The following ZFAND3 variants were observed in gnomAD, a reference collection of about 807,000 sequenced individuals.
The protein encoded by ZFAND3 is zinc finger AN1-type containing 3.
ZFAND3 carries 10 observed loss-of-function variants against 29.6 expected under a neutral mutation model. That is an observed-to-expected ratio of 0.34 (90% CI 0.21 to 0.57). The LOEUF (loss-of-function observed/expected upper bound fraction) is 0.57. Ranked by LOEUF, ZFAND3 falls within the 20% of genes least tolerant of loss-of-function variation. The pLI is 0.86. For synonymous variants in ZFAND3, 128 were observed against 112.6 expected, an observed-to-expected ratio of 1.14 and a Z score of -0.87; for missense variants, 230 against 304.5, an observed-to-expected ratio of 0.76 and a Z score of 1.82.
chr6:38,125,363 A>G (rs1765615322), intron 5 of ZFAND3, among the ~76,000 whole-genome samples: 1 of 152,224 alleles, frequency 6.6e-6, no homozygotes. Context: ...TTAGCCCATT[A>G]GTGCAGGACT....
intron 2 of ZFAND3, among the ~76,000 whole-genome samples, chr6:38,003,537 C>T (rs974419978): frequency 1.1e-4 from 16 of 150,496 alleles, no homozygotes; most frequent in Admixed American, 7.3e-4. Context: ...TCACTTTTGT[C>T]GCCCAGGCTG....
chr6:37,824,690 TATTC>T (rs765427837), intron 1 of ZFAND3, among the ~76,000 whole-genome samples: 120 of 152,332 alleles, frequency 7.9e-4, no homozygotes, highest in Admixed American at 1.2e-3. Context: ...TTAGGTAAAT[TATTC>T]ATTGTTTTGA....
At chr6:37,830,468 A>G (rs2127367665) in intron 1 of ZFAND3, among the ~76,000 whole-genome samples, 1 of 152,340 alleles carries the variant, frequency 6.6e-6, no homozygotes, top group South Asian at 2.1e-4. Flanking sequence ...CTGGGACCTT[A>G]CAGGAAAGTG....
chr6:37,864,638 T>G (rs1410936105), intron 1 of ZFAND3, among the ~76,000 whole-genome samples: 1 of 151,730 alleles, frequency 6.6e-6, no homozygotes, highest in Non-Finnish European at 1.5e-5. Flanking sequence ...GAAGACCAAT[T>G]CAAGAAAAAA....
chr6:37,995,663 G>A (rs1762837307), intron 2 of ZFAND3, among the ~76,000 whole-genome samples: 1 of 152,104 alleles, frequency 6.6e-6, no homozygotes, highest in Admixed American at 6.6e-5. Flanking sequence ...AGTAAAGCAG[G>A]ACCTCTTCCT....
At chr6:38,008,783 T>A (rs1763095156) in intron 2 of ZFAND3, among the ~76,000 whole-genome samples, 1 of 152,168 alleles carries the variant, frequency 6.6e-6, no homozygotes, top group African/African-American at 2.4e-5. Flanking sequence ...AGGACTTTAG[T>A]ACTGAAAGAC....
chr6:38,152,116 TGA>T, intron 5 of ZFAND3, 117 bp from the exon 6 acceptor site: 1 of 957,236 alleles, frequency 1.0e-6, no homozygotes, highest in Non-Finnish European at 1.5e-6. Context: ...ACCCCTGCAG[TGA>T]GTGTTGTCCA....
chr6:38,120,199 T>C (rs1456375933), intron 5 of ZFAND3, among the ~76,000 whole-genome samples: 1 of 152,110 alleles, frequency 6.6e-6, no homozygotes, highest in African/African-American at 2.4e-5. Flanking sequence ...GTCTCCTGAA[T>C]TGACACCTAG....
chr6:37,990,085 C>T (rs1255631727), intron 2 of ZFAND3, among the ~76,000 whole-genome samples: 1 of 152,184 alleles, frequency 6.6e-6, no homozygotes, highest in East Asian at 1.9e-4. Flanking sequence ...GAATCAGCAT[C>T]ATCTGGAGGG....
chr6:37,964,851 C>G (rs898095251), intron 2 of ZFAND3, among the ~76,000 whole-genome samples: 1 of 152,160 alleles, frequency 6.6e-6, no homozygotes, highest in African/African-American at 2.4e-5. Flanking sequence ...GTTGTACATC[C>G]TCTCTGAGCC....
intron 5 of ZFAND3, among the ~76,000 whole-genome samples, chr6:38,130,522 G>C (rs1279741847): frequency 1.3e-5 from 2 of 152,202 alleles, no homozygotes; most frequent in Non-Finnish European, 2.9e-5. Flanking sequence ...TAATCATAAA[G>C]TGATGCTGGA....
chr6:37,834,449 T>G (rs1289289521), intron 1 of ZFAND3, among the ~76,000 whole-genome samples: 1 of 152,216 alleles, frequency 6.6e-6, no homozygotes, highest in African/African-American at 2.4e-5. Context: ...TGAATAAGGC[T>G]GCTAGGAACA....
chr6:38,030,431 A>G (rs961153690), intron 2 of ZFAND3, among the ~76,000 whole-genome samples: 1 of 152,108 alleles, frequency 6.6e-6, no homozygotes, highest in Non-Finnish European at 1.5e-5. Context: ...TACAAAATAT[A>G]GAGCAATTCA....
chr6:38,012,705 A>G (rs1307050758), intron 2 of ZFAND3, among the ~76,000 whole-genome samples: 3 of 152,058 alleles, frequency 2.0e-5, no homozygotes. Flanking sequence ...TTATGTGATG[A>G]GGTGTGCAGG....
intron 4 of ZFAND3, among the ~76,000 whole-genome samples, chr6:38,089,700 C>T (rs1475203690): frequency 6.6e-6 from 1 of 152,172 alleles, no homozygotes; most frequent in East Asian, 1.9e-4. Context: ...CTTGTGTGTT[C>T]TGTCTCCTGG....
At chr6:37,962,500 C>T (rs369439494) in intron 2 of ZFAND3, among the ~76,000 whole-genome samples, 178 of 152,240 alleles carry the variant, frequency 1.2e-3, no homozygotes, top group Non-Finnish European at 2.1e-3. Flanking sequence ...GAGGTGAAGC[C>T]GGCTGGGCTT....
chr6:37,977,546 G>T (rs369788644), intron 2 of ZFAND3, among the ~76,000 whole-genome samples: 1 of 151,912 alleles, frequency 6.6e-6, no homozygotes, highest in Non-Finnish European at 1.5e-5. Context: ...CAAGTGATCC[G>T]CATGCCTCAG....
chr6:38,120,320 CTTTTTTTTTTTTTT>C (rs70981523), intron 5 of ZFAND3, among the ~76,000 whole-genome samples: 140 of 60,740 alleles, frequency 2.3e-3, no homozygotes, highest in East Asian at 5.5e-3. Context: ...GCTTGGCTTC[CTTTTTTTTTTTTTT>C]TTTTTTTTTT....
intron 5 of ZFAND3, among the ~76,000 whole-genome samples, chr6:38,135,030 C>G (rs1765812929): frequency 6.6e-6 from 1 of 152,194 alleles, no homozygotes; most frequent in African/African-American, 2.4e-5. Flanking sequence ...CACCTAGTGC[C>G]TGATGTCAGG....
Sources: gnomAD v4.1 joint callset for allele counts (sites outside exome capture counted in the v4.1 genomes callset) on GRCh38, gnomAD v4.1.1 for gene constraint, MANE v1.5 for transcripts, NCBI Gene and HGNC (gene_info 2026-07-23, HGNC 2026-07-21) for gene names.